Variants in CATSPERE observed in about 807,000 individuals in gnomAD.
The protein encoded by CATSPERE is catsper channel auxiliary subunit epsilon.
A neutral mutation model predicts 114.1 loss-of-function variants in CATSPERE; 93 were observed. The ratio of observed to expected loss-of-function variants is 0.81; its 90% CI spans 0.69 to 0.97. The LOEUF (loss-of-function observed/expected upper bound fraction) is 0.97. Ranked by LOEUF, CATSPERE falls within the 50% of genes least tolerant of loss-of-function variation. The probability of loss-of-function intolerance (pLI) is 0.00; values close to 1 mark genes in which losing one functional copy is unlikely to be tolerated. For synonymous variants in CATSPERE, 341 were observed against 384.1 expected (o/e 0.89, Z 1.31); for missense variants, 1,058 against 1,131.6 (o/e 0.93, Z 0.93).
At chr1:244,599,044 C>T (rs1668814166) in intron 17 of CATSPERE, among the ~76,000 whole-genome samples, 1 of 152,128 alleles carries the variant, frequency 6.6e-6, no homozygotes, top group African/African-American at 2.4e-5. Context: ...ATGGTCTCTC[C>T]TGGTTTGCCG....
At chr1:244,625,432 A>ATTTGTTTTTTTTT (rs1673049367) in intron 20 of CATSPERE, among the ~76,000 whole-genome samples, 46 of 3,984 alleles carry the variant, frequency 0.012, 4 homozygotes, top group African/African-American at 0.032. Flanking sequence ...ATATATATAT[A>ATTTGTTTTTTTTT]TTTTTTTTTT....
At chr1:244,582,910 GATATATATAT>G (rs66677443) in intron 12 of CATSPERE, among the ~76,000 whole-genome samples, 2 of 142,448 alleles carry the variant, frequency 1.4e-5, no homozygotes, top group South Asian at 2.2e-4. Context: ...AACAGAATTT[GATATATATAT>G]ATATATATAT....
At chr1:244,577,586 G>A (rs544820151) in intron 11 of CATSPERE, among the ~76,000 whole-genome samples, 54 of 152,310 alleles carry the variant, frequency 3.5e-4, no homozygotes, top group South Asian at 1.0e-3. Flanking sequence ...CACAGACAGC[G>A]TCTTTTCACT....
intron 6 of CATSPERE, among the ~76,000 whole-genome samples, chr1:244,495,360 A>G (rs1289802654): frequency 1.3e-5 from 2 of 152,210 alleles, no homozygotes; most frequent in Non-Finnish European, 1.5e-5. Context: ...GGAATAGGGA[A>G]TGAAAGTTTC....
At chr1:244,526,852 A>G (rs1427548968) in intron 8 of CATSPERE, among the ~76,000 whole-genome samples, 1 of 151,978 alleles carries the variant, frequency 6.6e-6, no homozygotes, top group African/African-American at 2.4e-5. Context: ...AGAAATTTTA[A>G]AGCTGGGTAT....
chr1:244,496,987 G>A (rs1238540119), intron 6 of CATSPERE, among the ~76,000 whole-genome samples: 1 of 152,152 alleles, frequency 6.6e-6, no homozygotes, highest in Non-Finnish European at 1.5e-5. Flanking sequence ...AGATGGACTA[G>A]TCAATAAATG....
At chr1:244,483,042 G>A (rs1670496661) in intron 5 of CATSPERE, among the ~76,000 whole-genome samples, 1 of 152,098 alleles carries the variant, frequency 6.6e-6, no homozygotes, top group Non-Finnish European at 1.5e-5. Context: ...ACTGCTCTAT[G>A]GTATTTCATT....
intron 9 of CATSPERE, among the ~76,000 whole-genome samples, chr1:244,558,007 A>G (rs1237236367): frequency 1.3e-5 from 2 of 151,966 alleles, no homozygotes; most frequent in East Asian, 3.9e-4. Flanking sequence ...CTGGAGTGCA[A>G]TGCCACAATC....
chr1:244,479,576 T>G (rs1342949758), intron 4 of CATSPERE, 141 bp from the exon 5 acceptor site: 1 of 365,756 alleles, frequency 2.7e-6, no homozygotes, highest in Non-Finnish European at 4.9e-6. Context: ...AAATATATAT[T>G]TAAATTCTAT....
At chr1:244,490,064 T>C (rs1409327266) in intron 5 of CATSPERE, among the ~76,000 whole-genome samples, 1 of 152,124 alleles carries the variant, frequency 6.6e-6, no homozygotes, top group Non-Finnish European at 1.5e-5. Context: ...GTAAGGAGGG[T>C]ACTTCAAGAA....
chr1:244,554,992 G>A (rs10927257), intron 9 of CATSPERE, among the ~76,000 whole-genome samples: 16,988 of 152,116 alleles, frequency 0.11, 1,492 homozygotes, highest in African/African-American at 0.24. Flanking sequence ...ATCAATAAGC[G>A]TGTTACATCA....
At chr1:244,616,479 A>G (rs1429672618) in intron 19 of CATSPERE, among the ~76,000 whole-genome samples, 2 of 152,206 alleles carry the variant, frequency 1.3e-5, no homozygotes, top group Non-Finnish European at 2.9e-5. Context: ...TTATTGGTTC[A>G]TGATTCTGGA....
intron 7 of CATSPERE, among the ~76,000 whole-genome samples, chr1:244,508,363 C>T (rs1488524265): frequency 4.0e-5 from 6 of 148,598 alleles, no homozygotes; most frequent in African/African-American, 1.5e-4. Context: ...TGCAGTGGCG[C>T]GATCTTGGCT....
In CATSPERE at chr1:244,461,439, C is replaced by T. The variant is rs1006694207; in HGVS notation, c.10C>T (p.Arg4Trp). 1.4e-6 allele frequency: 2 copies of T among 1,384,970 alleles called. No homozygotes were observed. Among genetic ancestry groups the T allele is most frequent in the African/African-American group, 1.5e-5 (1 of 67,114 alleles). The allele number at this position is 1,384,970 out of a possible 1,614,324, so 85.8% of individuals were successfully genotyped here. ...AGGCGGAGCAGGCGCCATGTCAGCC[C>T]GGGAAGTGGCCGTGCTGCTGCTGTG... Reference protein sequence around the residue: MSAREVAVLLLWLS... With the variant: MSAWEVAVLLLWLS... Residue 4 changes from arginine (R) to tryptophan (W), a missense_variant, in exon 1 of 22, where the codon CGG (arginine) becomes TGG (tryptophan). Arg to Trp is a moderately radical substitution (Grantham distance 101). This residue lies in a region of CATSPERE where 271 missense variants were observed against 225.9 expected (regional missense o/e 1.20). Transcript: ENST00000366534.
chr1:244,502,720 G>A (rs1674253815), intron 7 of CATSPERE, among the ~76,000 whole-genome samples: 1 of 152,140 alleles, frequency 6.6e-6, no homozygotes, highest in Non-Finnish European at 1.5e-5. Flanking sequence ...TAAGAGTGGA[G>A]GACCAGGAAA....
chr1:244,539,045 T>C (rs955545352), intron 8 of CATSPERE, among the ~76,000 whole-genome samples: 3 of 152,122 alleles, frequency 2.0e-5, no homozygotes, highest in Non-Finnish European at 4.4e-5. Flanking sequence ...TCCTTAAACC[T>C]TCCCCAGGCC....
At chr1:244,619,193 G>A (rs1449951601) in intron 20 of CATSPERE, among the ~76,000 whole-genome samples, 1 of 152,154 alleles carries the variant, frequency 6.6e-6, no homozygotes, top group Non-Finnish European at 1.5e-5. Flanking sequence ...ACGGATGTGG[G>A]TACCTTCTAT....
At chr1:244,610,471 T>C (rs1050817270) in intron 19 of CATSPERE, 145 bp downstream of exon 19, 1 of 718,566 alleles carries the variant, frequency 1.4e-6, no homozygotes, top group South Asian at 1.5e-5. Flanking sequence ...TGTATCATGG[T>C]ATTTTTAAAA....
intron 4 of CATSPERE, among the ~76,000 whole-genome samples, chr1:244,479,055 AT>A (rs1317103111): frequency 7.7e-6 from 1 of 130,424 alleles, no homozygotes; most frequent in Non-Finnish European, 1.6e-5. Flanking sequence ...AAAAAAAAAG[AT>A]TTATGAGGAA....
Sources: allele counts gnomAD v4.1 joint callset (sites outside exome capture counted in the v4.1 genomes callset), GRCh38; gene constraint gnomAD v4.1.1; regional missense constraint gnomAD v4.1.1; transcripts MANE v1.5; gene names NCBI Gene and HGNC (gene_info 2026-07-23, HGNC 2026-07-21).